Variants in HERC2 observed in about 807,000 individuals in gnomAD.
HERC2 encodes the protein HECT and RLD domain containing E3 ubiquitin protein ligase 2.
In HERC2, 102 loss-of-function variants were observed where a neutral mutation model predicts 537.7. The observed-to-expected ratio is 0.19, with a 90% CI of 0.16 to 0.22. The LOEUF (loss-of-function observed/expected upper bound fraction) is 0.22, where lower values mean the gene tolerates loss of function less well. Among genes scored for constraint, HERC2 ranks in the 10% least tolerant of loss-of-function variants. The pLI is 1.00. For missense variants in HERC2, 4,236 were observed against 6,198.2 expected (o/e 0.68, Z 10.63); for synonymous variants, 2,224 against 2,466.2 (o/e 0.90, Z 2.91).
Position 28,165,090 on chromosome 15 carries a change from G to A in HERC2, c.10555-1805C>T, listed in dbSNP as rs191959893. Reference sequence around the variant, plus strand: ...GGCCTGGTGTGGGGAGCGCCTCAGCGGGCTGGGGAAGGCATCCACACATGG... The same window carrying A: ...GGCCTGGTGTGGGGAGCGCCTCAGCAGGCTGGGGAAGGCATCCACACATGG... On this transcript the variant is annotated intron_variant, in intron 68 of 92. Coordinates refer to ENST00000261609, the MANE Select transcript of HERC2 (RefSeq NM_004667.6). 7.2e-5 allele frequency among the ~76,000 whole-genome samples: 11 copies of A among 152,344 alleles called. No individual in the cohort carries two copies. In the East Asian group the frequency reaches 1.4e-3, roughly 19 times the overall value.
chr15:28,292,975 T>C lies in HERC2; in HGVS notation c.235A>G (p.Lys79Glu), dbSNP rs1455252518. 4 of 1,611,392 alleles carry C rather than the reference T, an allele frequency of 2.5e-6. No individual in the cohort carries two copies. The highest frequency in any genetic ancestry group is 3.4e-6 in the Non-Finnish European group (4 of 1,179,562). The change falls in exon 4 of 93, where the codon AAA (lysine) becomes GAA (glutamate). Residue 79 changes from lysine to glutamate, a missense_variant. Lys to Glu is a moderately conservative substitution (Grantham distance 56). Transcript: ENST00000261609. Reference sequence around the variant, plus strand: ...GTTTCTTCTTCATCTTTTTTCTCTTTGTCATTCAGATCTTCTTTCTTTGTT... The same window carrying C: ...GTTTCTTCTTCATCTTTTTTCTCTTCGTCATTCAGATCTTCTTTCTTTGTT... The part of the protein sequence containing the change: ...SGTKKEDLND[K>E]EKKDEEETPA...
intron 83 of HERC2, among the ~76,000 whole-genome samples, chr15:28,127,632 C>G (rs897423118): frequency 1.3e-5 from 2 of 152,204 alleles, no homozygotes; most frequent in Admixed American, 1.3e-4. Flanking sequence ...CAAGGCCATT[C>G]TCCTCCACAG....
At chr15:28,164,197 C>T (rs546658003) in intron 68 of HERC2, among the ~76,000 whole-genome samples, 99 of 152,308 alleles carry the variant, frequency 6.5e-4, no homozygotes, top group African/African-American at 2.2e-3. Flanking sequence ...AGGGAAGTGC[C>T]GCTTTTCTCT....
chr15:28,248,651 C>T lies in HERC2; in HGVS notation c.3136G>A (p.Glu1046Lys). The T allele has an allele frequency of 6.2e-7, 1 of 1,613,986 alleles. No homozygotes were observed. The highest frequency in any genetic ancestry group is 8.5e-7 in the Non-Finnish European group (1 of 1,179,866). The part of the protein sequence containing the change: ...SCLDFEQHSR[E>K]RSASLDLLLR... ...AACAAATCCAATGAAGCAGATCTTT[C>T]ACGACTGTGTTGCTCAAAGTCCAGA... The change falls in exon 21 of 93, where the codon GAA (glutamate) becomes AAA (lysine). Residue 1046 changes from glutamate to lysine, a missense_variant. This residue lies in a region of HERC2 where 754 missense variants were observed against 1,085.0 expected (regional missense o/e 0.69). Coordinates refer to ENST00000261609, the MANE Select transcript of HERC2 (RefSeq NM_004667.6).
At chr15:28,249,100 G>A (rs1205474581) in intron 20 of HERC2, among the ~76,000 whole-genome samples, 2 of 152,208 alleles carry the variant, frequency 1.3e-5, no homozygotes, top group Non-Finnish European at 2.9e-5. Flanking sequence ...AAATACTGAT[G>A]AGGCTAATAT....
intron 83 of HERC2, 129 bp downstream of exon 83, chr15:28,130,034 A>C: frequency 8.7e-7 from 1 of 1,144,470 alleles, no homozygotes; most frequent in Non-Finnish European, 1.2e-6. Flanking sequence ...CAGCCTCCCA[A>C]AGTGCTGGGG....
chr15:28,265,552 T>G lies in HERC2; in HGVS notation c.1870+66A>C. 7.4e-7 allele frequency: 1 copy of G among 1,360,174 alleles called. No individual in the cohort carries two copies. The allele number at this position is 1,360,174 out of a possible 1,614,324, so 84.3% of individuals were successfully genotyped here. ...GTGAGGCCCACTGTACTCATCTCAC[T>G]TCCTCCAGGGAAGCTGCCATGCGTG... On this transcript the variant is annotated intron_variant, in intron 14 of 92. Coordinates refer to ENST00000261609, the MANE Select transcript of HERC2 (RefSeq NM_004667.6). This position sits in a 1 kb window ranked among gnomAD's most constrained non-coding sequence, Gnocchi z 4.0.
At chr15:28,263,801 G>T (rs970281936) in intron 14 of HERC2, among the ~76,000 whole-genome samples, 1 of 152,164 alleles carries the variant, frequency 6.6e-6, no homozygotes, top group East Asian at 1.9e-4. Flanking sequence ...GGAGGCCAAG[G>T]CGGGCGGATC....
At chr15:28,167,974 C>T in intron 67 of HERC2, 147 bp from the exon 68 acceptor site, 2 of 847,278 alleles carry the variant, frequency 2.4e-6, no homozygotes, top group East Asian at 2.7e-5. Context: ...ATGGTGCCCA[C>T]CAGACATAGC....
chr15:28,146,566 AAT>A (rs1385603622), intron 70 of HERC2, among the ~76,000 whole-genome samples: 10 of 152,184 alleles, frequency 6.6e-5, no homozygotes, highest in African/African-American at 2.4e-4. Flanking sequence ...CCACTTGGCC[AAT>A]TTGTTTTGTG....
At chr15:28,307,692 T>G (rs2076828782) in intron 2 of HERC2, among the ~76,000 whole-genome samples, 2 of 152,236 alleles carry the variant, frequency 1.3e-5, no homozygotes, top group East Asian at 1.9e-4. Context: ...ATAGTCCATG[T>G]GATCAGAGAA....
intron 55 of HERC2, among the ~76,000 whole-genome samples, chr15:28,189,276 C>T (rs1896608872): frequency 6.6e-6 from 1 of 152,150 alleles, no homozygotes; most frequent in African/African-American, 2.4e-5. Context: ...CACTAAGTAT[C>T]ACAGGATGAA....
Position 28,136,351 on chromosome 15 carries a change from G to C in HERC2, c.12016-659C>G, listed in dbSNP as rs573718446. ...GACATAATATAAGGAAGCCACAAGG[G>C]CCAATGCAGGAAGTGAAACCCAAAC... is the stretch of plus-strand genomic sequence containing the variant. On this transcript the variant is annotated intron_variant, in intron 78 of 92. Transcript: ENST00000261609. 7.2e-4 allele frequency among the ~76,000 whole-genome samples: 109 copies of C among 152,156 alleles called. No homozygotes were observed. In the East Asian group the frequency reaches 9.7e-3, roughly 13 times the overall value.
In HERC2 at chr15:28,132,235, C is replaced by A; in HGVS notation, c.12435G>T (p.Val4145=). 2 of 1,612,894 alleles carry A rather than the reference C, an allele frequency of 1.2e-6. No individual in the cohort carries two copies. The highest frequency in any genetic ancestry group is 1.7e-6 in the Non-Finnish European group (2 of 1,179,124). ...KLVEALQGHR[V]VDIACGSGDA... is the part of the protein sequence containing the mutation. ...CTCCACTGCCACAGGCGATGTCAAC[C>A]ACACGGTGGCCCTGCAGCGCCTCCA... Residue 4145 remains valine, a synonymous_variant, in exon 81 of 93, where the codon GTG becomes GTT. Transcript: ENST00000261609.
intron 69 of HERC2, among the ~76,000 whole-genome samples, chr15:28,156,862 C>T (rs2142382269): frequency 6.6e-6 from 1 of 152,252 alleles, no homozygotes; most frequent in South Asian, 2.1e-4. Context: ...AGTGTTTGCC[C>T]ATTCAGTATG....
At chr15:28,316,580 T>C (rs145306715) in intron 2 of HERC2, among the ~76,000 whole-genome samples, 9,722 of 151,722 alleles carry the variant, frequency 0.064, 546 homozygotes, top group African/African-American at 0.23. Context: ...AAACAAAAAT[T>C]GTTCTATTGA....
intron 10 of HERC2, 45 bp downstream of exon 10, chr15:28,270,650 T>C: frequency 6.3e-7 from 1 of 1,577,946 alleles, no homozygotes; most frequent in Admixed American, 1.7e-5. Flanking sequence ...CTACAAGTGG[T>C]ACTAGCTACA....
chr15:28,166,649 T>C (rs1894166778), intron 68 of HERC2, among the ~76,000 whole-genome samples: 1 of 152,120 alleles, frequency 6.6e-6, no homozygotes, highest in South Asian at 2.1e-4. Flanking sequence ...GGAAGAGCCC[T>C]AAAAATTATG....
At position 28,179,130 on chromosome 15, in the gene HERC2, G is replaced by A. The variant is rs769584012; in HGVS notation, c.9019+12C>T. On this transcript the variant is annotated intron_variant, in intron 58 of 92. Transcript: ENST00000261609. ...ATAATTTAAAAATTTTTTAAGATTA[G>A]AATAATCATACCTGCAAACAAACTT... is the stretch of plus-strand genomic sequence containing the variant. 7 of 1,607,040 alleles carry A rather than the reference G, an allele frequency of 4.4e-6. No individual in the cohort carries two copies. Among genetic ancestry groups the A allele is most frequent in the African/African-American group, 1.3e-5 (1 of 74,302 alleles).
Sources: gnomAD v4.1 joint callset for allele counts (sites outside exome capture counted in the v4.1 genomes callset) on GRCh38, gnomAD v4.1.1 for gene constraint, gnomAD v4.1.1 regional missense constraint, Gnocchi (gnomAD v3.1) non-coding constraint, MANE v1.5 for transcripts, NCBI Gene and HGNC (gene_info 2026-07-23, HGNC 2026-07-21) for gene names.